Variants in ATP2C1 observed in about 807,000 individuals in gnomAD.
ATP2C1 encodes ATPase secretory pathway Ca2+ transporting 1, also known as calcium-transporting ATPase type 2C member 1.
ATP2C1 carries 31 observed loss-of-function variants against 120.5 expected under a neutral mutation model. That is an observed-to-expected ratio of 0.26 (90% CI 0.19 to 0.35). ATP2C1 has a LOEUF of 0.35. ATP2C1 is among the 10% of genes least tolerant of loss of function. ATP2C1 has a pLI of 1.00. For missense variants in ATP2C1, 731 were observed against 1,107.5 expected, an observed-to-expected ratio of 0.66 and a Z score of 4.83; for synonymous variants, 351 against 358.7, an observed-to-expected ratio of 0.98 and a Z score of 0.24.
At chr3:130,941,254 G>GTGTGTC (rs1553764241) in intron 7 of ATP2C1, among the ~76,000 whole-genome samples, 130 of 149,610 alleles carry the variant, frequency 8.7e-4, no homozygotes, top group African/African-American at 2.9e-3. Flanking sequence ...GTGTGTGTGT[G>GTGTGTC]TGTGTGTGTG....
chr3:130,868,429 T>TA (rs2068288727), intron 1 of ATP2C1: 1 of 106,524 alleles, frequency 9.4e-6, no homozygotes. Context: ...AGGTGGGGGG[T>TA]CAGCCCCCCG....
At chr3:130,968,926 T>C (rs1222384716) in intron 16 of ATP2C1, among the ~76,000 whole-genome samples, 3 of 152,130 alleles carry the variant, frequency 2.0e-5, no homozygotes, top group Non-Finnish European at 4.4e-5. Context: ...AGAGATTTAA[T>C]CTAAAACTTC....
chr3:131,015,295 CAG>C (rs938626874), intron 26 of ATP2C1: 16 of 690,232 alleles, frequency 2.3e-5, no homozygotes, highest in Non-Finnish European at 3.9e-5. Context: ...CCTCCCCCCA[CAG>C]AGTTTACATC....
At chr3:130,999,931 T>A (rs1308935196) in intron 27 of ATP2C1, among the ~76,000 whole-genome samples, 1 of 152,184 alleles carries the variant, frequency 6.6e-6, no homozygotes, top group African/African-American at 2.4e-5. Flanking sequence ...CTCTAGAGTA[T>A]AGTTTATAAC....
chr3:130,907,721 T>G (rs1451266591), intron 2 of ATP2C1, among the ~76,000 whole-genome samples: 1 of 150,904 alleles, frequency 6.6e-6, no homozygotes, highest in African/African-American at 2.4e-5. Flanking sequence ...TTTAACAGTG[T>G]CTGCCTTTCT....
intron 18 of ATP2C1, 33 bp from the exon 19 acceptor site, chr3:130,979,216 T>G (rs906368956): frequency 1.4e-5 from 23 of 1,610,928 alleles, no homozygotes; most frequent in African/African-American, 2.7e-5. Context: ...CTCACTTTTT[T>G]TTGTTGTTGT....
intron 1 of ATP2C1, among the ~76,000 whole-genome samples, chr3:130,863,131 T>C (rs1257972302): frequency 6.6e-6 from 1 of 152,060 alleles, no homozygotes; most frequent in East Asian, 1.9e-4. Flanking sequence ...CAAGAGTCCA[T>C]GCCATATAGC....
chr3:130,884,736 C>T (rs1338705975), intron 1 of ATP2C1, among the ~76,000 whole-genome samples: 1 of 152,160 alleles, frequency 6.6e-6, no homozygotes, highest in African/African-American at 2.4e-5. Flanking sequence ...GAATTGACCT[C>T]TTTATCATTA....
chr3:130,877,966 G>T (rs919537728), intron 1 of ATP2C1, among the ~76,000 whole-genome samples: 1 of 152,016 alleles, frequency 6.6e-6, no homozygotes, highest in East Asian at 1.9e-4. Flanking sequence ...CCATAAAAAA[G>T]GATGAGCTCA....
chr3:130,991,214 T>C (rs1375141850), intron 20 of ATP2C1, among the ~76,000 whole-genome samples: 1 of 151,908 alleles, frequency 6.6e-6, no homozygotes, highest in Non-Finnish European at 1.5e-5. Flanking sequence ...GTATCGGTGG[T>C]AGTGGAAGCC....
intron 17 of ATP2C1, among the ~76,000 whole-genome samples, chr3:130,971,682 T>C (rs948211073): frequency 6.6e-6 from 1 of 151,996 alleles, no homozygotes; most frequent in African/African-American, 2.4e-5. Context: ...AGGCTAAAAA[T>C]AGTAGAGAAA....
At chr3:130,891,373 T>C (rs1256729482), upstream of ATP2C1, among the ~76,000 whole-genome samples, 1 of 152,220 alleles carries the variant, frequency 6.6e-6, no homozygotes, top group Non-Finnish European at 1.5e-5. Context: ...TAAAGCACAG[T>C]ATAAAGAAAA....
intron 8 of ATP2C1, among the ~76,000 whole-genome samples, chr3:130,950,959 CA>C (rs2060347133): frequency 6.6e-6 from 1 of 152,078 alleles, no homozygotes; most frequent in African/African-American, 2.4e-5. Context: ...CAAAAGTCTT[CA>C]AAGGGAAAAC....
intron 1 of ATP2C1, chr3:130,869,416 G>A (rs991061535): frequency 1.4e-5 from 1 of 71,584 alleles, no homozygotes; most frequent in African/African-American, 7.7e-5. Flanking sequence ...ACCCAAGAAT[G>A]ATCAATAAAA....
intron 10 of ATP2C1, 41 bp from the exon 11 acceptor site, chr3:130,956,063 A>G (rs1408052573): frequency 1.5e-6 from 2 of 1,373,934 alleles, no homozygotes; most frequent in East Asian, 2.3e-5. Context: ...AGCTTAGTAA[A>G]TATAGCTAAT....
At chr3:130,877,629 T>C (rs1576573001) in intron 1 of ATP2C1, among the ~76,000 whole-genome samples, 1 of 151,764 alleles carries the variant, frequency 6.6e-6, no homozygotes, top group Non-Finnish European at 1.5e-5. Context: ...ATTAAAAAGT[T>C]AGGAAACAAC....
intron 2 of ATP2C1, among the ~76,000 whole-genome samples, chr3:130,896,745 C>A (rs969911358): frequency 1.3e-5 from 2 of 152,112 alleles, no homozygotes; most frequent in African/African-American, 2.4e-5. Flanking sequence ...CTTTCTGAGC[C>A]TGTATTTCTT....
downstream of ATP2C1, among the ~76,000 whole-genome samples, chr3:131,008,089 T>G (rs939203741): frequency 6.6e-6 from 1 of 152,074 alleles, no homozygotes; most frequent in Non-Finnish European, 1.5e-5. Flanking sequence ...GTTAGGGAAA[T>G]AGTTTAATTT....
chr3:130,873,241 G>A (rs2068492098), intron 1 of ATP2C1, among the ~76,000 whole-genome samples: 2 of 152,206 alleles, frequency 1.3e-5, no homozygotes, highest in African/African-American at 4.8e-5. Flanking sequence ...AGGCATTGTG[G>A]AAACATTGAG....
Sources: gnomAD v4.1 joint callset for allele counts (sites outside exome capture counted in the v4.1 genomes callset) on GRCh38, gnomAD v4.1.1 for gene constraint, MANE v1.5 for transcripts, NCBI Gene and HGNC (gene_info 2026-07-23, HGNC 2026-07-21) for gene names.